The following CADPS2 variants were observed in gnomAD, a reference collection of about 807,000 sequenced individuals.
CADPS2 encodes the protein calcium dependent secretion activator 2.
CADPS2 carries 93 observed loss-of-function variants against 172.5 expected under a neutral mutation model. That is an observed-to-expected ratio of 0.54 (90% CI 0.46 to 0.64). The LOEUF (loss-of-function observed/expected upper bound fraction) is 0.64, where lower values mean the gene tolerates loss of function less well. Ranked by LOEUF, CADPS2 falls within the 30% of genes least tolerant of loss-of-function variation. The pLI, the probability that CADPS2 is intolerant of heterozygous loss-of-function variation, is 0.00. For missense variants in CADPS2, 1,420 were observed against 1,565.9 expected (o/e 0.91, Z 1.57); for synonymous variants, 546 against 555.2 (o/e 0.98, Z 0.23).
chr7:122,323,291 A>G (rs1355555824), intron 29 of CADPS2, among the ~76,000 whole-genome samples: 1 of 152,150 alleles, frequency 6.6e-6, no homozygotes, highest in Non-Finnish European at 1.5e-5. Flanking sequence ...TGAAAAGTAA[A>G]ACATGGAAAA....
intron 1 of CADPS2, among the ~76,000 whole-genome samples, chr7:122,814,270 T>A (rs910371332): frequency 1.3e-5 from 2 of 151,870 alleles, no homozygotes; most frequent in Admixed American, 6.6e-5. Flanking sequence ...AGGAGACTTA[T>A]ACTAAGCAGA....
At chr7:122,711,547 TTC>T (rs755059920) in intron 2 of CADPS2, among the ~76,000 whole-genome samples, 1 of 152,174 alleles carries the variant, frequency 6.6e-6, no homozygotes, top group Non-Finnish European at 1.5e-5. Context: ...TGCCTTCTAT[TTC>T]TACCCCAAGT....
At chr7:122,491,205 G>A (rs1051729415) in intron 10 of CADPS2, 107 bp downstream of exon 10, 3 of 590,760 alleles carry the variant, frequency 5.1e-6, no homozygotes, top group Non-Finnish European at 5.7e-6. Context: ...AGTGAAATAT[G>A]CACCCTATTC....
rs2092188902 is a variant in CADPS2, at chr7:122,736,879, A to G, written c.453+76T>C. The G allele has an allele frequency of 1.7e-5, 13 of 756,220 alleles. No individual in the cohort carries two copies. The South Asian group carries it at 1.9e-4, about 11-fold the overall frequency. The allele number at this position is 756,220 out of a possible 1,614,324, so 46.8% of individuals were successfully genotyped here. ...TGTCAGACCAGCAAGCTTCTTTAAA[A>G]TGAGAAACCCATAAAAATAATAAAA... On this transcript the variant is annotated intron_variant, in intron 2 of 29. Transcript: ENST00000449022.
chr7:122,503,237 T>C (rs1476288932), intron 9 of CADPS2, among the ~76,000 whole-genome samples: 1 of 151,776 alleles, frequency 6.6e-6, no homozygotes, highest in African/African-American at 2.4e-5. Flanking sequence ...GGTTTCGCCA[T>C]GCTGGCCAGG....
chr7:122,692,636 C>T (rs898449374), intron 2 of CADPS2, among the ~76,000 whole-genome samples: 5 of 152,218 alleles, frequency 3.3e-5, no homozygotes, highest in Non-Finnish European at 7.3e-5. Flanking sequence ...ACTGAAGACC[C>T]ACTCACCTCA....
intron 24 of CADPS2, 56 bp downstream of exon 24, chr7:122,386,970 T>C: frequency 6.6e-7 from 1 of 1,526,146 alleles, no homozygotes; most frequent in Non-Finnish European, 8.8e-7. Context: ...GGAAAGGGCA[T>C]TTCCCATGCC....
chr7:122,389,197 A>G (rs774804636), intron 22 of CADPS2, among the ~76,000 whole-genome samples: 1 of 152,096 alleles, frequency 6.6e-6, no homozygotes, highest in Non-Finnish European at 1.5e-5. Context: ...ACACGTGTGT[A>G]GAACATAGGG....
chr7:122,502,140 A>C (rs1241654034), intron 9 of CADPS2, among the ~76,000 whole-genome samples: 1 of 152,114 alleles, frequency 6.6e-6, no homozygotes, highest in African/African-American at 2.4e-5. Context: ...AATAGCAAAT[A>C]ATTCAAGGTA....
intron 4 of CADPS2, among the ~76,000 whole-genome samples, chr7:122,626,887 C>T (rs1444758810): frequency 2.0e-5 from 3 of 152,204 alleles, no homozygotes; most frequent in Admixed American, 1.3e-4. Flanking sequence ...GCCCTGTACA[C>T]ATTTTGTTCA....
At chr7:122,417,105 G>C (rs76178932) in intron 17 of CADPS2, among the ~76,000 whole-genome samples, 4,174 of 152,150 alleles carry the variant, frequency 0.027, 182 homozygotes, top group African/African-American at 0.095. Context: ...TCCTACAATA[G>C]TTTTCCCTTG....
At chr7:122,580,606 A>C (rs1259844690) in intron 7 of CADPS2, among the ~76,000 whole-genome samples, 1 of 152,178 alleles carries the variant, frequency 6.6e-6, no homozygotes, top group Non-Finnish European at 1.5e-5. Flanking sequence ...GCACAAGCTG[A>C]GTATAGTAAG....
intron 2 of CADPS2, among the ~76,000 whole-genome samples, chr7:122,718,286 T>C (rs909983207): frequency 1.3e-5 from 2 of 151,930 alleles, no homozygotes; most frequent in South Asian, 2.1e-4. Flanking sequence ...CATATTCCTA[T>C]ATATCTGGAA....
In CADPS2 at chr7:122,775,145, T is replaced by G. The variant is rs575927766; in HGVS notation, c.340-38077A>C. On this transcript the variant is annotated intron_variant, in intron 1 of 29. Transcript: ENST00000449022. The stretch of plus-strand genomic sequence containing the variant: ...ATATTCATTCTGGGTACACCGTGTC[T>G]TTTATCCAATGGCGATATTAAAAAC... Among the ~76,000 whole-genome samples the G allele has an allele frequency of 3.9e-5, 6 of 152,334 alleles. No homozygotes were observed. The South Asian group carries it at 1.2e-3, about 32-fold the overall frequency.
chr7:122,840,943 GAAGA>G (rs1810307542), intron 1 of CADPS2, among the ~76,000 whole-genome samples: 1 of 151,956 alleles, frequency 6.6e-6, no homozygotes, highest in Admixed American at 6.6e-5. Context: ...ATTAACACAA[GAAGA>G]AAGCCCATAA....
chr7:122,513,093 TA>T (rs1333387441), intron 9 of CADPS2, among the ~76,000 whole-genome samples, 155 bp downstream of exon 9: 2 of 152,224 alleles, frequency 1.3e-5, no homozygotes, highest in African/African-American at 4.8e-5. Flanking sequence ...ATAAAAACTT[TA>T]GTGTTAGCAT....
intron 14 of CADPS2, 48 bp from the exon 15 acceptor site, chr7:122,451,523 T>C (rs1302929962): frequency 4.0e-6 from 4 of 999,098 alleles, no homozygotes; most frequent in Non-Finnish European, 5.9e-6. Context: ...GAACATTTAC[T>C]TTTATATATT....
chr7:122,716,984 A>G (rs2089701546), intron 2 of CADPS2, among the ~76,000 whole-genome samples: 1 of 152,174 alleles, frequency 6.6e-6, no homozygotes, highest in African/African-American at 2.4e-5. Context: ...CAAACTCTGT[A>G]ACGTGGTATC....
intron 14 of CADPS2, among the ~76,000 whole-genome samples, chr7:122,466,169 AATAT>A (rs2055111159): frequency 6.6e-6 from 1 of 152,180 alleles, no homozygotes; most frequent in African/African-American, 2.4e-5. Flanking sequence ...GATATAGTCT[AATAT>A]ATACTAAAAA....
Sources: allele counts gnomAD v4.1 joint callset (sites outside exome capture counted in the v4.1 genomes callset), GRCh38; gene constraint gnomAD v4.1.1; transcripts MANE v1.5; gene names NCBI Gene and HGNC (gene_info 2026-07-23, HGNC 2026-07-21).